DGAT2: variants seen among roughly 807,000 people sequenced by gnomAD.
The protein encoded by DGAT2 is acyl-CoA retinol O-fatty-acyltransferase.
In DGAT2, 33 loss-of-function variants were observed where a neutral mutation model predicts 48.4. The observed-to-expected ratio is 0.68, with a 90% CI of 0.52 to 0.91. The LOEUF (loss-of-function observed/expected upper bound fraction) is 0.91, where lower values mean the gene tolerates loss of function less well. Among genes scored for constraint, DGAT2 ranks in the 40% least tolerant of loss-of-function variants. The pLI, the probability that DGAT2 is intolerant of heterozygous loss-of-function variation, is 0.00. For synonymous variants in DGAT2, 191 were observed against 194.1 expected, an observed-to-expected ratio of 0.98 and a Z score of 0.13; for missense variants, 446 against 493.7, an observed-to-expected ratio of 0.90 and a Z score of 0.92.
chr11:75,789,585 C>G (rs893870652), intron 2 of DGAT2, among the ~76,000 whole-genome samples: 1 of 152,198 alleles, frequency 6.6e-6, no homozygotes, highest in Non-Finnish European at 1.5e-5. Context: ...TAGTGATGGT[C>G]TGGGACTTTG....
At chr11:75,794,487 T>C (rs1235908087) in intron 4 of DGAT2, 1 of 152,248 alleles carries the variant, frequency 6.6e-6, no homozygotes, top group Non-Finnish European at 1.5e-5. Flanking sequence ...AGGAATTGTA[T>C]TTCTAGAAGT....
In DGAT2 at chr11:75,775,127, C is replaced by G. The variant is rs1006364637; in HGVS notation, c.121+6015C>G. On this transcript the variant is annotated intron_variant, in intron 1 of 7. Coordinates refer to ENST00000228027, the MANE Select transcript of DGAT2 (RefSeq NM_032564.5). Reference sequence around the variant, plus strand: ...GGGAGATCTTCTGTGGATAAAAATTCATTTGTGGATTCTAGCAGAGCACAG... The same window carrying G: ...GGGAGATCTTCTGTGGATAAAAATTGATTTGTGGATTCTAGCAGAGCACAG... 3.9e-5 allele frequency among the ~76,000 whole-genome samples: 6 copies of G among 152,328 alleles called. No individual in the cohort carries two copies. The South Asian group carries it at 6.2e-4, about 16-fold the overall frequency.
intron 1 of DGAT2, 147 bp from the exon 2 acceptor site, chr11:75,784,471 C>T: frequency 9.2e-7 from 1 of 1,089,474 alleles, no homozygotes; most frequent in Non-Finnish European, 1.3e-6. Context: ...AGGTGGAGGG[C>T]TAGGATCTGA....
At chr11:75,799,585 C>T (rs551578642) in intron 7 of DGAT2, among the ~76,000 whole-genome samples, 16 of 152,118 alleles carry the variant, frequency 1.1e-4, no homozygotes, top group African/African-American at 3.9e-4. Context: ...CTACTCCCTC[C>T]TCTCCTGCCC....
chr11:75,798,104 A>G, intron 6 of DGAT2, 123 bp from the exon 7 acceptor site: 2 of 969,264 alleles, frequency 2.1e-6, no homozygotes, highest in Non-Finnish European at 3.2e-6. Flanking sequence ...TGGGACACCC[A>G]GGTAATTCTG....
At chr11:75,777,256 TA>T (rs973440078) in intron 1 of DGAT2, among the ~76,000 whole-genome samples, 1 of 152,132 alleles carries the variant, frequency 6.6e-6, no homozygotes, top group Admixed American at 6.5e-5. Flanking sequence ...CTAAGTTATT[TA>T]GATTCCTTAT....
chr11:75,796,211 C>T, intron 4 of DGAT2, 117 bp from the exon 5 acceptor site: 2 of 822,164 alleles, frequency 2.4e-6, no homozygotes, highest in Admixed American at 4.2e-5. Flanking sequence ...TTCATTGCAG[C>T]CCTCAGGCCC....
rs547661374 is a variant in DGAT2, at chr11:75,798,990, G to T, written c.1012+561G>T. On this transcript the variant is annotated intron_variant, in intron 7 of 7. Transcript: ENST00000228027. Reference sequence around the variant, plus strand: ...CACTGGTTGCACTTGGCCCTCGTCTGTGTTGTTTTGGGTGTATTTGGGACC... The same window carrying T: ...CACTGGTTGCACTTGGCCCTCGTCTTTGTTGTTTTGGGTGTATTTGGGACC... Among the ~76,000 whole-genome samples the T allele has an allele frequency of 2.6e-5, 4 of 152,166 alleles. No homozygotes were observed. In the East Asian group the frequency reaches 5.8e-4, roughly 22 times the overall value.
Position 75,789,467 on chromosome 11 carries a change from C to G in DGAT2, c.251-721C>G, listed in dbSNP as rs137956526. ...GCCTGGCTGCTGAAGTTTTTGAAGA[C>G]AGGGAGGCTGATGGGCTCTGCGCTT... On this transcript the variant is annotated intron_variant, in intron 2 of 7. Transcript: ENST00000228027. Among the ~76,000 whole-genome samples the G allele has an allele frequency of 4.6e-3, 700 of 152,234 alleles. 8 individuals carry two copies. The highest frequency in any genetic ancestry group is 0.014 in the African/African-American group (588 of 41,526).
Position 75,779,336 on chromosome 11 carries a change from C to T in DGAT2, c.122-5282C>T, listed in dbSNP as rs552927247. Among the ~76,000 whole-genome samples the T allele has an allele frequency of 3.9e-5, 6 of 152,288 alleles. No individual in the cohort carries two copies. In the East Asian group the frequency reaches 5.8e-4, roughly 15 times the overall value. ...GGGCTGGCGTGTTTGGTGGGGCCAG[C>T]GCTCAACAGCGTAGCATTGTAGAGA... On this transcript the variant is annotated intron_variant, in intron 1 of 7. Coordinates refer to ENST00000228027, the MANE Select transcript of DGAT2 (RefSeq NM_032564.5).
At position 75,800,363 on chromosome 11, in the gene DGAT2, C is replaced by T. The variant is rs1490586880; in HGVS notation, c.1022C>T (p.Pro341Leu). 3 of 1,614,078 alleles carry T rather than the reference C, an allele frequency of 1.9e-6. No homozygotes were observed. Among genetic ancestry groups the T allele is most frequent in the Non-Finnish European group, 2.5e-6 (3 of 1,179,994 alleles). ...SKPITTVVGE[P>L]ITIPKLEHPT... ...TGCCCTGTCCCTGCAGTGGGAGAGC[C>T]CATCACCATCCCCAAGCTGGAGCAC... is the stretch of plus-strand genomic sequence containing the variant. Residue 341 changes from proline to leucine, a missense_variant, in exon 8 of 8, where the codon CCC (proline) becomes CTC (leucine). Pro to Leu is a moderately conservative substitution (Grantham distance 98, BLOSUM62 -3). Coordinates refer to ENST00000228027, the MANE Select transcript of DGAT2 (RefSeq NM_032564.5).
intron 2 of DGAT2, among the ~76,000 whole-genome samples, chr11:75,788,644 C>G (rs1345970966): frequency 6.6e-6 from 1 of 152,178 alleles, no homozygotes; most frequent in Non-Finnish European, 1.5e-5. Context: ...CCAAAGGAGG[C>G]TCAACATGGT....
At chr11:75,780,845 T>A (rs1351325055) in intron 1 of DGAT2, among the ~76,000 whole-genome samples, 1 of 152,234 alleles carries the variant, frequency 6.6e-6, no homozygotes, top group East Asian at 1.9e-4. Context: ...TCCAAGTGCC[T>A]GTGCAAGGGC....
At position 75,768,980 on chromosome 11, in the gene DGAT2, C is replaced by A; in HGVS notation, c.-12C>A. Reference sequence around the variant, plus strand: ...GGCTTCCCGCGGGGCCGTGACTGGGCGGGCTTCAGCCATGAAGACCCTCAT... The same window carrying A: ...GGCTTCCCGCGGGGCCGTGACTGGGAGGGCTTCAGCCATGAAGACCCTCAT... On this transcript the variant is annotated 5_prime_UTR_variant, in exon 1 of 8. Coordinates refer to ENST00000228027, the MANE Select transcript of DGAT2 (RefSeq NM_032564.5). 1 of 1,504,562 alleles carries A rather than the reference C, an allele frequency of 6.6e-7. No individual in the cohort carries two copies. The highest frequency in any genetic ancestry group is 8.9e-7 in the Non-Finnish European group (1 of 1,128,290). 93.2% of individuals were successfully genotyped at this position (1,504,562 alleles called of 1,614,324 possible). A position where few individuals can be genotyped will look rare whatever the true frequency, so the allele number is the denominator to read the frequency against.
chr11:75,779,725 C>T (rs924269231), intron 1 of DGAT2, among the ~76,000 whole-genome samples: 6 of 152,214 alleles, frequency 3.9e-5, no homozygotes, highest in Admixed American at 3.9e-4. Context: ...CAGCCTGTCT[C>T]ATCTGCCCCC....
At chr11:75,780,783 C>G (rs564870713) in intron 1 of DGAT2, among the ~76,000 whole-genome samples, 2 of 152,374 alleles carry the variant, frequency 1.3e-5, no homozygotes, top group East Asian at 3.9e-4. Context: ...GCTGAGTGAC[C>G]TTGACCCGGT....
chr11:75,772,141 ATGAG>A (rs1207486425), intron 1 of DGAT2, among the ~76,000 whole-genome samples: 1 of 152,164 alleles, frequency 6.6e-6, no homozygotes, highest in African/African-American at 2.4e-5. Flanking sequence ...GGTTTGCTGA[ATGAG>A]TGAAGGTTGT....
chr11:75,769,127 G>A lies in DGAT2; in HGVS notation c.121+15G>A, dbSNP rs754070434. 2 of 1,554,708 alleles carry A rather than the reference G, an allele frequency of 1.3e-6. No individual in the cohort carries two copies. The highest frequency in any genetic ancestry group is 1.7e-6 in the Non-Finnish European group (2 of 1,158,002). On this transcript the variant is annotated intron_variant, in intron 1 of 7. Transcript: ENST00000228027. ...TGGGAGATGGGGTGAGTGCCACGGC[G>A]CAGGGGTTATGGACCTGCGAGAAGA...
chr11:75,786,681 G>A (rs2135770471), intron 2 of DGAT2, among the ~76,000 whole-genome samples: 1 of 152,264 alleles, frequency 6.6e-6, no homozygotes, highest in Non-Finnish European at 1.5e-5. Context: ...CAGATCTCCT[G>A]AGCTACTGCT....
Sources: allele counts gnomAD v4.1 joint callset (sites outside exome capture counted in the v4.1 genomes callset), GRCh38; gene constraint gnomAD v4.1.1; transcripts MANE v1.5; gene names NCBI Gene and HGNC (gene_info 2026-07-23, HGNC 2026-07-21).